Variants in OLFM3 observed in about 807,000 individuals in gnomAD.
OLFM3 encodes olfactomedin 3.
Under a neutral mutation model 48.6 loss-of-function variants are expected in OLFM3, and 20 were observed. The observed-to-expected ratio is 0.41, with a 90% CI of 0.29 to 0.60. The LOEUF is 0.60. Ranked by LOEUF, OLFM3 falls within the 20% of genes least tolerant of loss-of-function variation. OLFM3 has a pLI of 0.28. For missense variants in OLFM3, 437 were observed against 544.3 expected, an observed-to-expected ratio of 0.80 and a Z score of 1.96; for synonymous variants, 222 against 198.1, an observed-to-expected ratio of 1.12 and a Z score of -1.01.
Position 101,803,708 on chromosome 1 carries a change from C to CTG in OLFM3, c.*528_*529dup, listed in dbSNP as rs1326173825. On this transcript the variant is annotated 3_prime_UTR_variant, in exon 6 of 6. Coordinates refer to ENST00000370103, the MANE Select transcript of OLFM3 (RefSeq NM_058170.4). Reference sequence around the variant, plus strand: ...ATGTTAGCAAGAGATTTAAAAATGACTGTACAGCACCGCATCAGAGAATTG... The same window carrying CTG: ...ATGTTAGCAAGAGATTTAAAAATGACTGTGTACAGCACCGCATCAGAGAATTG... 2 of 152,160 alleles carry CTG rather than the reference C, an allele frequency of 1.3e-5. No homozygotes were observed. Among genetic ancestry groups the CTG allele is most frequent in the African/African-American group, 4.8e-5 (2 of 41,352 alleles). The allele number at this position is 152,160 out of a possible 1,614,324, so 9.4% of individuals were successfully genotyped here.
intron 1 of OLFM3, among the ~76,000 whole-genome samples, chr1:101,916,226 T>C (rs957979362): frequency 6.6e-5 from 10 of 152,154 alleles, no homozygotes; most frequent in African/African-American, 2.4e-4. Context: ...AAGTTCAAAC[T>C]TTCAAAGACA....
At chr1:101,830,284 T>C (rs914500670) in intron 3 of OLFM3, among the ~76,000 whole-genome samples, 3 of 152,250 alleles carry the variant, frequency 2.0e-5, no homozygotes, top group African/African-American at 7.2e-5. Flanking sequence ...GATAAATTTA[T>C]GAAACAACTC....
chr1:101,819,037 G>A (rs975598120), intron 4 of OLFM3, among the ~76,000 whole-genome samples: 2 of 152,040 alleles, frequency 1.3e-5, no homozygotes, highest in Non-Finnish European at 2.9e-5. Flanking sequence ...AAACAAATGG[G>A]CATTTTCTGT....
chr1:101,988,380 C>G (rs940723791), intron 1 of OLFM3, among the ~76,000 whole-genome samples: 3 of 152,022 alleles, frequency 2.0e-5, no homozygotes, highest in African/African-American at 7.2e-5. Context: ...TAGAGAGCTA[C>G]TACAAGTCAA....
At chr1:101,887,035 C>T (rs1657790823) in intron 1 of OLFM3, among the ~76,000 whole-genome samples, 1 of 151,900 alleles carries the variant, frequency 6.6e-6, no homozygotes, top group Non-Finnish European at 1.5e-5. Flanking sequence ...TTAGCTAATA[C>T]TCTGTAATAA....
At chr1:101,985,761 T>G (rs78924769) in intron 1 of OLFM3, among the ~76,000 whole-genome samples, 454 of 152,230 alleles carry the variant, frequency 3.0e-3, no homozygotes, top group African/African-American at 0.01. Context: ...CCATAGTGCT[T>G]GGGATGTGAA....
At chr1:101,962,340 A>G (rs1660491317) in intron 1 of OLFM3, among the ~76,000 whole-genome samples, 1 of 152,104 alleles carries the variant, frequency 6.6e-6, no homozygotes. Flanking sequence ...AGATTAATTA[A>G]TGTAAGTTAT....
intron 1 of OLFM3, among the ~76,000 whole-genome samples, chr1:101,940,299 G>T (rs1294775060): frequency 6.7e-6 from 1 of 149,688 alleles, no homozygotes; most frequent in Non-Finnish European, 1.5e-5. Context: ...CAATAGAGCT[G>T]TGCTATTCTC....
intron 1 of OLFM3, among the ~76,000 whole-genome samples, chr1:101,850,504 CA>C (rs1472938554): frequency 1.3e-5 from 2 of 151,552 alleles, no homozygotes; most frequent in African/African-American, 4.8e-5. Flanking sequence ...ATTTGTAGAA[CA>C]AAAGTTAAAT....
At chr1:101,995,012 A>C (rs111363064) in intron 1 of OLFM3, among the ~76,000 whole-genome samples, 56 of 152,274 alleles carry the variant, frequency 3.7e-4, no homozygotes, top group African/African-American at 1.3e-3. Flanking sequence ...TTCATATTTA[A>C]CAGAAAATTA....
intron 1 of OLFM3, chr1:101,909,979 G>A: frequency 1.0e-6 from 1 of 985,290 alleles, no homozygotes; most frequent in Middle Eastern, 5.2e-4. Flanking sequence ...CATAAGCATA[G>A]CCAGAACACA....
chr1:101,829,734 G>C (rs780450506), intron 3 of OLFM3, among the ~76,000 whole-genome samples: 6 of 152,244 alleles, frequency 3.9e-5, no homozygotes, highest in Non-Finnish European at 8.8e-5. Context: ...GCTATTAAGT[G>C]GGCAACCACA....
intron 1 of OLFM3, among the ~76,000 whole-genome samples, chr1:101,908,760 C>A (rs891715225): frequency 6.6e-6 from 1 of 152,074 alleles, no homozygotes; most frequent in African/African-American, 2.4e-5. Context: ...AAGGAGGCAG[C>A]CACACAGAGA....
chr1:101,943,719 A>G (rs1244897065), intron 1 of OLFM3, among the ~76,000 whole-genome samples: 1 of 152,182 alleles, frequency 6.6e-6, no homozygotes, highest in Non-Finnish European at 1.5e-5. Flanking sequence ...ATAAAAATGT[A>G]TAGATGTATG....
intron 1 of OLFM3, among the ~76,000 whole-genome samples, chr1:101,963,769 T>A (rs1458275013): frequency 6.6e-6 from 1 of 152,196 alleles, no homozygotes. Context: ...AAATTCCTCA[T>A]ATGGGACTGG....
intron 1 of OLFM3, among the ~76,000 whole-genome samples, chr1:101,980,045 T>C (rs1055496163): frequency 6.6e-6 from 1 of 152,208 alleles, no homozygotes; most frequent in Admixed American, 6.5e-5. Flanking sequence ...GTAGGGCCTG[T>C]AGGCCCATTG....
intron 1 of OLFM3, among the ~76,000 whole-genome samples, chr1:101,953,824 C>G (rs749926192): frequency 6.6e-6 from 1 of 152,014 alleles, no homozygotes; most frequent in East Asian, 1.9e-4. Flanking sequence ...ATATTTAGCA[C>G]GGGCTGTATT....
chr1:101,974,009 CT>C (rs5776614), intron 1 of OLFM3, among the ~76,000 whole-genome samples: 21 of 147,894 alleles, frequency 1.4e-4, no homozygotes, highest in Middle Eastern at 6.9e-3. Flanking sequence ...GTTCATTTGC[CT>C]TTTTTTTTTA....
At chr1:101,914,472 T>C (rs1658860951) in intron 1 of OLFM3, among the ~76,000 whole-genome samples, 2 of 152,188 alleles carry the variant, frequency 1.3e-5, no homozygotes, top group Admixed American at 1.3e-4. Flanking sequence ...CTTAAACAAG[T>C]CTGAGTCCCA....
Sources: gnomAD v4.1 joint callset for allele counts (sites outside exome capture counted in the v4.1 genomes callset) on GRCh38, gnomAD v4.1.1 for gene constraint, MANE v1.5 for transcripts, NCBI Gene and HGNC (gene_info 2026-07-23, HGNC 2026-07-21) for gene names.